The following PRP4K variants were observed in gnomAD, a reference collection of about 807,000 sequenced individuals.
The protein encoded by PRP4K is serine/threonine-protein kinase PRP4 homolog.
the PRP4K span, among the ~76,000 whole-genome samples, chr6:4,044,867 T>TA: frequency 1.9e-4 from 28 of 148,922 alleles, no homozygotes; most frequent in African/African-American, 6.4e-4. Flanking sequence ...ATTATTATTT[T>TA]TTTTTTTTTT....
At chr6:4,038,359 T>A in the PRP4K span, among the ~76,000 whole-genome samples, 1 of 151,978 alleles carries the variant, frequency 6.6e-6, no homozygotes, top group South Asian at 2.1e-4. Context: ...TGGCGCGATC[T>A]CACTGCAACC....
chr6:4,061,966 A>C, the PRP4K span: 1 of 152,662 alleles, frequency 6.6e-6, no homozygotes, highest in Non-Finnish European at 1.5e-5. Context: ...TAAACCATAA[A>C]TAGTTAAAAG....
the PRP4K span, among the ~76,000 whole-genome samples, chr6:4,032,995 T>G: frequency 3.3e-5 from 5 of 152,154 alleles, no homozygotes; most frequent in Non-Finnish European, 5.9e-5. Flanking sequence ...TAGAATTGGG[T>G]TTTTTCACAT....
the PRP4K span, chr6:4,049,710 AT>A: frequency 5.6e-6 from 9 of 1,594,132 alleles, no homozygotes; most frequent in Non-Finnish European, 7.7e-6. Flanking sequence ...CAGAATTCTA[AT>A]TTTTCAATTT....
At chr6:4,055,768 T>A in the PRP4K span, among the ~76,000 whole-genome samples, 1 of 152,382 alleles carries the variant, frequency 6.6e-6, no homozygotes, top group South Asian at 2.1e-4. Context: ...TAACATTTTC[T>A]TGACTAATAC....
chr6:4,057,804 C>G, the PRP4K span, among the ~76,000 whole-genome samples: 133,376 of 144,776 alleles, frequency 0.92, 61,500 homozygotes, highest in Middle Eastern at 0.94. Context: ...GCCCAGGCTG[C>G]AGTGCAGTGG....
chr6:4,031,585 G>T, the PRP4K span: 10 of 1,575,138 alleles, frequency 6.3e-6, no homozygotes, highest in East Asian at 2.2e-4. Flanking sequence ...TCTGAAAAGA[G>T]TATAAATGAA....
the PRP4K span, chr6:4,032,013 A>T: frequency 6.2e-7 from 1 of 1,614,088 alleles, no homozygotes; most frequent in Non-Finnish European, 8.5e-7. Flanking sequence ...TAGATCTTCA[A>T]GTACAAAGGG....
At chr6:4,053,356 T>C in the PRP4K span, among the ~76,000 whole-genome samples, 1 of 152,274 alleles carries the variant, frequency 6.6e-6, no homozygotes, top group Non-Finnish European at 1.5e-5. Context: ...ATTTTTAAAC[T>C]TTCAAGTTCA....
chr6:4,035,503 T>TA, the PRP4K span, among the ~76,000 whole-genome samples: 1 of 151,904 alleles, frequency 6.6e-6, no homozygotes. Context: ...GCAGATTAAA[T>TA]AAAAGAGTTT....
At chr6:4,032,371 G>A in the PRP4K span, 2 of 1,613,890 alleles carry the variant, frequency 1.2e-6, no homozygotes, top group African/African-American at 1.3e-5. Flanking sequence ...GAAAGTAGAA[G>A]TCGCGATCGA....
the PRP4K span, among the ~76,000 whole-genome samples, chr6:4,047,901 T>TACACAC: frequency 4.3e-3 from 605 of 142,100 alleles, 7 homozygotes; most frequent in Middle Eastern, 0.01. Context: ...CATGTATATG[T>TACACAC]ACACACACAC....
At chr6:4,047,373 A>C in the PRP4K span, 1 of 846,778 alleles carries the variant, frequency 1.2e-6, no homozygotes, top group South Asian at 1.8e-5. Context: ...GGGTGAAAGG[A>C]ATCTGAAAAC....
chr6:4,029,942 T>C, the PRP4K span, among the ~76,000 whole-genome samples: 1 of 151,312 alleles, frequency 6.6e-6, no homozygotes, highest in Non-Finnish European at 1.5e-5. Flanking sequence ...TTCTTTCTTT[T>C]TTTTTTTTTT....
chr6:4,037,876 C>T, the PRP4K span, among the ~76,000 whole-genome samples: 1 of 149,694 alleles, frequency 6.7e-6, no homozygotes, highest in Admixed American at 6.6e-5. Flanking sequence ...TTTTTTTAAC[C>T]AGCAAGGTAG....
At chr6:4,028,788 T>C in the PRP4K span, among the ~76,000 whole-genome samples, 3 of 152,124 alleles carry the variant, frequency 2.0e-5, no homozygotes, top group African/African-American at 7.2e-5. Flanking sequence ...TCACTCCCCC[T>C]CATTGTTGTC....
At chr6:4,043,715 C>T in the PRP4K span, 19 of 1,090,152 alleles carry the variant, frequency 1.7e-5, no homozygotes, top group East Asian at 5.2e-5. Context: ...TTATTTGATA[C>T]GTTCTCTTAA....
chr6:4,023,892 G>A, the PRP4K span, among the ~76,000 whole-genome samples: 5 of 151,082 alleles, frequency 3.3e-5, no homozygotes, highest in South Asian at 1.0e-3. Context: ...TTTTGAGACG[G>A]AGTTTCACTT....
chr6:4,026,409 TCTC>T, the PRP4K span, among the ~76,000 whole-genome samples: 1 of 151,084 alleles, frequency 6.6e-6, no homozygotes, highest in Non-Finnish European at 1.5e-5. Context: ...TTCAAGCACT[TCTC>T]CTGCCTCAGC....
Sources: allele counts gnomAD v4.1 joint callset (sites outside exome capture counted in the v4.1 genomes callset), GRCh38; gene constraint gnomAD v4.1.1; transcripts MANE v1.5; gene names NCBI Gene and HGNC (gene_info 2026-07-23, HGNC 2026-07-21).